Variants in PPARGC1A observed in about 807,000 individuals in gnomAD.
PPARGC1A encodes PPARG coactivator 1 alpha, also known as peroxisome proliferator-activated receptor gamma coactivator 1-alpha.
A neutral mutation model predicts 88.7 loss-of-function variants in PPARGC1A; 25 were observed. The ratio of observed to expected loss-of-function variants is 0.28; its 90% confidence interval spans 0.21 to 0.39. PPARGC1A has a LOEUF of 0.39. Among genes scored for constraint, PPARGC1A ranks in the 10% least tolerant of loss-of-function variants. The probability of loss-of-function intolerance (pLI) is 1.00; values close to 1 mark genes in which losing one functional copy is unlikely to be tolerated. For synonymous variants in PPARGC1A, 363 were observed against 355.6 expected, an observed-to-expected ratio of 1.02 and a Z score of -0.24; for missense variants, 880 against 968.7, an observed-to-expected ratio of 0.91 and a Z score of 1.22.
the PPARGC1A span, among the ~76,000 whole-genome samples, chr4:23,943,153 T>C: frequency 6.6e-6 from 1 of 152,170 alleles, no homozygotes; most frequent in South Asian, 2.1e-4. Context: ...TTTGTTTCAT[T>C]GTAAAATAAG....
At chr4:24,389,921 C>A in the PPARGC1A span, among the ~76,000 whole-genome samples, 4 of 152,150 alleles carry the variant, frequency 2.6e-5, no homozygotes, top group Non-Finnish European at 4.4e-5. Flanking sequence ...TAGCATCAGT[C>A]CTCACAATAT....
At chr4:24,321,872 G>A in the PPARGC1A span, among the ~76,000 whole-genome samples, 4 of 152,156 alleles carry the variant, frequency 2.6e-5, no homozygotes, top group Non-Finnish European at 5.9e-5. Flanking sequence ...TTCTTTGTAA[G>A]GACTTCACTT....
At chr4:23,901,389 A>T (rs1040820212), upstream of PPARGC1A, among the ~76,000 whole-genome samples, 5 of 133,172 alleles carry the variant, frequency 3.8e-5, no homozygotes, top group African/African-American at 1.1e-4. Flanking sequence ...AAAAAAAAAA[A>T]AGTAAGTAGC....
At chr4:24,209,039 C>T in the PPARGC1A span, among the ~76,000 whole-genome samples, 2 of 152,132 alleles carry the variant, frequency 1.3e-5, no homozygotes, top group Non-Finnish European at 2.9e-5. Context: ...CCCCACAATG[C>T]ACCATTATGG....
chr4:23,829,509 T>C lies in PPARGC1A; in HGVS notation c.506A>G (p.His169Arg). ...TCTGATCCTGTGATTGTGATTTGCA[T>C]GGTTCTGGGTACTGAGACCACTGCA... Reference protein sequence around the residue: ...NECSGLSTQNHANHNHRIRTN... With the variant: ...NECSGLSTQNRANHNHRIRTN... Residue 169 changes from histidine to arginine, a missense_variant, in exon 4 of 13, where the codon CAT (histidine) becomes CGT (arginine). Coordinates refer to ENST00000264867, the MANE Select transcript of PPARGC1A (RefSeq NM_013261.5). The C allele has an allele frequency of 6.2e-7, 1 of 1,613,784 alleles. No homozygotes were observed. Among genetic ancestry groups the C allele is most frequent in the Non-Finnish European group, 8.5e-7 (1 of 1,179,672 alleles).
the PPARGC1A span, among the ~76,000 whole-genome samples, chr4:24,374,253 C>T: frequency 6.6e-6 from 1 of 152,196 alleles, no homozygotes; most frequent in Non-Finnish European, 1.5e-5. Flanking sequence ...CTATCCCTGG[C>T]TGCTGGTCTA....
chr4:24,307,976 C>G, the PPARGC1A span, among the ~76,000 whole-genome samples: 1 of 152,090 alleles, frequency 6.6e-6, no homozygotes, highest in Admixed American at 6.5e-5. Context: ...ACTATAACCT[C>G]AGGAAATTTA....
chr4:24,024,240 T>C, the PPARGC1A span, among the ~76,000 whole-genome samples: 873 of 152,304 alleles, frequency 5.7e-3, 41 homozygotes, highest in East Asian at 0.095. Flanking sequence ...ACATTTTACA[T>C]GACTTATCTC....
At chr4:23,824,698 A>G (rs1416530370) in intron 5 of PPARGC1A, among the ~76,000 whole-genome samples, 190 bp from the exon 6 acceptor site, 1 of 152,244 alleles carries the variant, frequency 6.6e-6, no homozygotes, top group Non-Finnish European at 1.5e-5. Context: ...CGTTTGCATC[A>G]GTAAACTACC....
the PPARGC1A span, among the ~76,000 whole-genome samples, chr4:24,336,753 T>C: frequency 6.6e-6 from 1 of 152,128 alleles, no homozygotes; most frequent in African/African-American, 2.4e-5. Context: ...TTTTTTCCAT[T>C]TTTTGCGTTA....
chr4:24,212,995 G>A, the PPARGC1A span, among the ~76,000 whole-genome samples: 5 of 152,064 alleles, frequency 3.3e-5, no homozygotes, highest in Non-Finnish European at 7.4e-5. Flanking sequence ...CCTTTGACAG[G>A]ACAAAATCAG....
chr4:23,802,014 C>A, intron 11 of PPARGC1A, 133 bp from the exon 12 acceptor site: 1 of 1,304,308 alleles, frequency 7.7e-7, no homozygotes, highest in Admixed American at 2.3e-5. Context: ...TGTGATTGTC[C>A]TGTCAAGCAG....
chr4:23,988,685 C>A, the PPARGC1A span, among the ~76,000 whole-genome samples: 1 of 151,324 alleles, frequency 6.6e-6, no homozygotes, highest in Non-Finnish European at 1.5e-5. Context: ...AAATACAACA[C>A]ATAAAAAGTT....
At chr4:24,150,250 A>C in the PPARGC1A span, among the ~76,000 whole-genome samples, 1 of 152,216 alleles carries the variant, frequency 6.6e-6, no homozygotes, top group Non-Finnish European at 1.5e-5. Flanking sequence ...TAAGAAGGTC[A>C]GTAGAGACCA....
At chr4:24,317,819 C>T in the PPARGC1A span, among the ~76,000 whole-genome samples, 4,026 of 152,112 alleles carry the variant, frequency 0.026, 181 homozygotes, top group African/African-American at 0.093. Flanking sequence ...CCAAGACGAA[C>T]GTGCCCTCTG....
At chr4:23,811,011 T>C (rs1477666611) in intron 10 of PPARGC1A, among the ~76,000 whole-genome samples, 1 of 152,218 alleles carries the variant, frequency 6.6e-6, no homozygotes, top group African/African-American at 2.4e-5. Flanking sequence ...ATATCACTGC[T>C]CATTTGGAAG....
chr4:24,347,837 G>T, the PPARGC1A span, among the ~76,000 whole-genome samples: 148,997 of 152,202 alleles, frequency 0.98, 72,996 homozygotes, highest in Non-Finnish European at 1. Flanking sequence ...TTGTTATTTT[G>T]TTTGTTTGTT....
the PPARGC1A span, among the ~76,000 whole-genome samples, chr4:23,951,426 A>G: frequency 6.6e-6 from 1 of 152,144 alleles, no homozygotes; most frequent in Non-Finnish European, 1.5e-5. Context: ...GAAACAACTC[A>G]CCCATGAATA....
At chr4:23,856,699 T>C (rs908572300) in intron 2 of PPARGC1A, among the ~76,000 whole-genome samples, 2 of 152,166 alleles carry the variant, frequency 1.3e-5, no homozygotes, top group Non-Finnish European at 2.9e-5. Flanking sequence ...CAAGATACAG[T>C]GGCCTATAAA....
Sources: gnomAD v4.1 joint callset for allele counts (sites outside exome capture counted in the v4.1 genomes callset) on GRCh38, gnomAD v4.1.1 for gene constraint, MANE v1.5 for transcripts, NCBI Gene and HGNC (gene_info 2026-07-23, HGNC 2026-07-21) for gene names.